Variants in NAGS observed in about 807,000 individuals in gnomAD.
The protein encoded by NAGS is N-acetylglutamate synthase, mitochondrial.
A neutral mutation model predicts 46.9 loss-of-function variants in NAGS; 34 were observed. The ratio of observed to expected loss-of-function variants is 0.72; its 90% CI spans 0.55 to 0.97. The LOEUF is 0.97. Ranked by LOEUF, NAGS falls within the 50% of genes least tolerant of loss-of-function variation. The pLI, the probability that NAGS is intolerant of heterozygous loss-of-function variation, is 0.00. For synonymous variants in NAGS, 334 were observed against 346.3 expected (o/e 0.96, Z 0.39); for missense variants, 665 against 747.0 (o/e 0.89, Z 1.28).
In NAGS at chr17:44,006,294, C is replaced by A; in HGVS notation, c.915+57C>A. ...CGGCGATCCGGGCCTTCTCTTGCGC[C>A]CCTCGCACTTCTCCCCGACGGGCCG... On this transcript the variant is annotated intron_variant, in intron 3 of 6. Transcript: ENST00000293404. This position sits in a 1 kb window ranked among gnomAD's most constrained non-coding sequence, Gnocchi z 4.8. The A allele has an allele frequency of 6.3e-7, 1 of 1,582,926 alleles. No individual in the cohort carries two copies. The highest frequency in any genetic ancestry group is 8.6e-7 in the Non-Finnish European group (1 of 1,162,162).
In NAGS at chr17:44,006,460, G is replaced by A. The variant is rs2049092646; in HGVS notation, c.916-69G>A. The A allele has an allele frequency of 1.3e-6, 2 of 1,539,354 alleles. No individual in the cohort carries two copies. The highest frequency in any genetic ancestry group is 1.8e-6 in the Non-Finnish European group (2 of 1,140,740). On this transcript the variant is annotated intron_variant, in intron 3 of 6. Transcript: ENST00000293404. This position sits in a 1 kb window ranked among gnomAD's most constrained non-coding sequence, Gnocchi z 4.8. ...GGATAAAGGGGTCAGAGAAAAGAGA[G>A]GTCCGTGGGGGTAGGGGGGCAGTCC...
In NAGS at chr17:44,007,074, G is replaced by C. The variant is rs976948775; in HGVS notation, c.1097-249G>C. 1.2e-5 allele frequency: 7 copies of C among 588,484 alleles called. No homozygotes were observed. Among genetic ancestry groups the C allele is most frequent in the African/African-American group, 1.1e-4 (6 of 53,612 alleles). The allele number at this position is 588,484 out of a possible 1,614,324, so 36.5% of individuals were successfully genotyped here. ...CGGCGGGAGACAGACTTCAAGGAGC[G>C]AGGCAAGACTAACGGAAGTGGGTGG... On this transcript the variant is annotated intron_variant, in intron 4 of 6. Coordinates refer to ENST00000293404, the MANE Select transcript of NAGS (RefSeq NM_153006.3). The surrounding 1 kb of genome is among the most constrained non-coding windows in gnomAD (Gnocchi z 5.1).
rs370722055 is a variant in NAGS, at chr17:44,007,226, C to T, written c.1097-97C>T. Reference sequence around the variant, plus strand: ...TTTCACTGTGGAGGTCTCCCAAAGACGGAAATTGTCCCACCAGCGCCTGTC... The same window carrying T: ...TTTCACTGTGGAGGTCTCCCAAAGATGGAAATTGTCCCACCAGCGCCTGTC... On this transcript the variant is annotated intron_variant, in intron 4 of 6. Transcript: ENST00000293404. The surrounding 1 kb of genome is among the most constrained non-coding windows in gnomAD (Gnocchi z 5.1). The T allele has an allele frequency of 4.3e-6, 5 of 1,171,422 alleles. No homozygotes were observed. The highest frequency in any genetic ancestry group is 4.2e-5 in the South Asian group (3 of 72,034). The allele number at this position is 1,171,422 out of a possible 1,614,324, so 72.6% of individuals were successfully genotyped here.
rs573287536 is a variant in NAGS at position 44,006,840 on chromosome 17, C to A, written c.1096+131C>A. 268 of 981,676 alleles carry A rather than the reference C, an allele frequency of 2.7e-4. 5 individuals are homozygous for A. The South Asian group carries it at 4.3e-3, about 16-fold the overall frequency. The allele number at this position is 981,676 out of a possible 1,614,324, so 60.8% of individuals were successfully genotyped here. Reference sequence around the variant, plus strand: ...TAGGGGGAGGCGGGGGGTGTCACAGCAATGGCTCCTGCTGCTGCCGAAACC... The same window carrying A: ...TAGGGGGAGGCGGGGGGTGTCACAGAAATGGCTCCTGCTGCTGCCGAAACC... On this transcript the variant is annotated intron_variant, in intron 4 of 6. Transcript: ENST00000293404. The surrounding 1 kb of genome is among the most constrained non-coding windows in gnomAD (Gnocchi z 4.8).
Position 44,007,014 on chromosome 17 carries a change from A to C in NAGS, c.1096+305A>C. On this transcript the variant is annotated intron_variant, in intron 4 of 6. Coordinates refer to ENST00000293404, the MANE Select transcript of NAGS (RefSeq NM_153006.3). This position sits in a 1 kb window ranked among gnomAD's most constrained non-coding sequence, Gnocchi z 5.1. ...CATAAGGGAGGTGTTCGACCGGGAG[A>C]GATGGGCGGGGCTTAGGTGGGTGGG... 1 of 485,606 alleles carries C rather than the reference A, an allele frequency of 2.1e-6. No individual in the cohort carries two copies. Among genetic ancestry groups the C allele is most frequent in the South Asian group, 2.4e-5 (1 of 41,644 alleles). 30.1% of individuals were successfully genotyped at this position (485,606 alleles called of 1,614,324 possible).
rs1435884655 is a variant in NAGS at position 44,007,842 on chromosome 17, A to G, written c.1451+69A>G. 2.0e-6 allele frequency: 3 copies of G among 1,489,834 alleles called. No homozygotes were observed. The highest frequency in any genetic ancestry group is 2.7e-6 in the Non-Finnish European group (3 of 1,091,254). 92.3% of individuals were successfully genotyped at this position (1,489,834 alleles called of 1,614,324 possible). ...CTCCCCTCTCCCACCCTTGCCAACCATGCCAAGAAGGCTGGGCTTCCTCTT... is the reference window on the plus strand; with the variant it reads ...CTCCCCTCTCCCACCCTTGCCAACCGTGCCAAGAAGGCTGGGCTTCCTCTT... On this transcript the variant is annotated intron_variant, in intron 6 of 6. Coordinates refer to ENST00000293404, the MANE Select transcript of NAGS (RefSeq NM_153006.3). The surrounding 1 kb of genome is among the most constrained non-coding windows in gnomAD (Gnocchi z 5.1).
At position 44,006,129 on chromosome 17, in the gene NAGS, C is replaced by A; in HGVS notation, c.807C>A (p.Ser269=). The A allele has an allele frequency of 1.2e-6, 2 of 1,613,220 alleles. No homozygotes were observed. The highest frequency in any genetic ancestry group is 2.2e-5 in the South Asian group (2 of 91,074). ...TCGGGGAGACGGCCGCGCGCCGCTCCGTGCTTCTCGACTCCCTGGAGGTGA... is the reference window on the plus strand; with the variant it reads ...TCGGGGAGACGGCCGCGCGCCGCTCAGTGCTTCTCGACTCCCTGGAGGTGA... The part of the protein sequence containing the change: ...CPIGETAARR[S]VLLDSLEVTA... The change falls in exon 3 of 7, where the codon TCC becomes TCA. Residue 269 remains serine (S), a synonymous_variant. Transcript: ENST00000293404. This position sits in a 1 kb window ranked among gnomAD's most constrained non-coding sequence, Gnocchi z 4.8.
Position 44,007,093 on chromosome 17 carries a change from T to G in NAGS, c.1097-230T>G, listed in dbSNP as rs1456253410. The G allele has an allele frequency of 3.4e-6, 2 of 594,798 alleles. No individual in the cohort carries two copies. Among genetic ancestry groups the G allele is most frequent in the African/African-American group, 3.7e-5 (2 of 53,606 alleles). The allele number at this position is 594,798 out of a possible 1,614,324, so 36.8% of individuals were successfully genotyped here. ...AGGAGCGAGGCAAGACTAACGGAAG[T>G]GGGTGGGGCTCCAGGCGACAGGAGG... is the stretch of plus-strand genomic sequence containing the variant. On this transcript the variant is annotated intron_variant, in intron 4 of 6. Transcript: ENST00000293404. This position sits in a 1 kb window ranked among gnomAD's most constrained non-coding sequence, Gnocchi z 5.1.
chr17:44,008,672 C>T lies in NAGS; in HGVS notation c.*71C>T, dbSNP rs1369587977. On this transcript the variant is annotated 3_prime_UTR_variant, in exon 7 of 7. Transcript: ENST00000293404. ...AAAAGCCATGCCAGCTGGGCATGAC[C>T]CCAGGCAGCCAGCCACAGGCTGAAG... 14 of 1,593,966 alleles carry T rather than the reference C, an allele frequency of 8.8e-6. No individual in the cohort carries two copies. Among genetic ancestry groups the T allele is most frequent in the East Asian group, 2.2e-5 (1 of 44,816 alleles).
Position 44,005,791 on chromosome 17 carries a change from C to A in NAGS, c.581C>A (p.Ala194Glu), listed in dbSNP as rs758376954. ...SGCLSFWEAK[A>E]QLAKSCKVLV... ...TGTCTTTCCTTCTGGGAGGCCAAGGCGCAGCTGGCCAAGAGCTGCAAGGTG... is the reference window on the plus strand; with the variant it reads ...TGTCTTTCCTTCTGGGAGGCCAAGGAGCAGCTGGCCAAGAGCTGCAAGGTG... Residue 194 changes from alanine to glutamate, a missense_variant, in exon 2 of 7, where the codon GCG becomes GAG. Transcript: ENST00000293404. This position sits in a 1 kb window ranked among gnomAD's most constrained non-coding sequence, Gnocchi z 7.2. 40 of 1,587,818 alleles carry A rather than the reference C, an allele frequency of 2.5e-5. No individual in the cohort carries two copies. Among genetic ancestry groups the A allele is most frequent in the Non-Finnish European group, 2.9e-5 (34 of 1,168,294 alleles).
rs77418945 is a variant in NAGS at position 44,008,304 on chromosome 17, AATGAG to A, written c.1452-141_1452-137del. The A allele has an allele frequency of 0.17, 166,955 of 957,190 alleles. 16,342 individuals are homozygous for A. Among genetic ancestry groups the A allele is most frequent in the Non-Finnish European group, 0.21 (123,651 of 590,854 alleles). 59.3% of individuals were successfully genotyped at this position (957,190 alleles called of 1,614,324 possible). On this transcript the variant is annotated intron_variant, in intron 6 of 6. Coordinates refer to ENST00000293404, the MANE Select transcript of NAGS (RefSeq NM_153006.3). Reference sequence around the variant, plus strand: ...GCTCAGGCCTCTGCTGTGAGGATAAAATGAGATAACACACAGCAGGACCAAGCTGG... The same window carrying A: ...GCTCAGGCCTCTGCTGTGAGGATAAAATAACACACAGCAGGACCAAGCTGG...
chr17:44,005,009 A>G lies in NAGS; in HGVS notation c.346A>G (p.Ser116Gly). The change falls in exon 1 of 7, where the codon AGC becomes GGC. Residue 116 changes from serine to glycine, a missense_variant. Ser to Gly is a moderately conservative substitution (Grantham distance 56, BLOSUM62 0). Coordinates refer to ENST00000293404, the MANE Select transcript of NAGS (RefSeq NM_153006.3). The surrounding 1 kb of genome is among the most constrained non-coding windows in gnomAD (Gnocchi z 7.2). ...GGCCTTCCTGAACCAGTGCGGGGCC[A>G]GCCCTGGGGAGGCGCGCCACTGGCT... ...IQAFLNQCGA[S>G]PGEARHWLTQ... is the part of the protein sequence containing the mutation. 2 of 1,557,010 alleles carry G rather than the reference A, an allele frequency of 1.3e-6. No homozygotes were observed. Among genetic ancestry groups the G allele is most frequent in the South Asian group, 2.3e-5 (2 of 85,356 alleles).
chr17:44,008,815 C>A lies in NAGS; in HGVS notation c.*214C>A. On this transcript the variant is annotated 3_prime_UTR_variant, in exon 7 of 7. Coordinates refer to ENST00000293404, the MANE Select transcript of NAGS (RefSeq NM_153006.3). Reference sequence around the variant, plus strand: ...GGACCAGTCTAGGACCCCAACTCGACTCACTCTAAAGCTACAACCAAATGG... The same window carrying A: ...GGACCAGTCTAGGACCCCAACTCGAATCACTCTAAAGCTACAACCAAATGG... 4.7e-6 allele frequency: 3 copies of A among 635,530 alleles called. No individual in the cohort carries two copies. The highest frequency in any genetic ancestry group is 2.7e-5 in the Admixed American group (1 of 36,390). 39.4% of individuals were successfully genotyped at this position (635,530 alleles called of 1,614,324 possible). A position where few individuals can be genotyped will look rare whatever the true frequency, so the allele number is the denominator to read the frequency against.
chr17:44,006,198 C>T lies in NAGS; in HGVS notation c.876C>T (p.Phe292=). The T allele has an allele frequency of 6.2e-7, 1 of 1,613,384 alleles. No individual in the cohort carries two copies. Among genetic ancestry groups the T allele is most frequent in the Non-Finnish European group, 8.5e-7 (1 of 1,180,014 alleles). Residue 292 remains phenylalanine (F), a synonymous_variant, in exon 3 of 7, where the codon TTC becomes TTT. Transcript: ENST00000293404. The surrounding 1 kb of genome is among the most constrained non-coding windows in gnomAD (Gnocchi z 4.8). ...AKALRPTKII[F]LNNTGGLRDS... ...CGCTGCGGCCCACCAAAATCATCTTCCTCAATAACACAGGCGGCCTGCGCG... is the reference window on the plus strand; with the variant it reads ...CGCTGCGGCCCACCAAAATCATCTTTCTCAATAACACAGGCGGCCTGCGCG...
rs2049087154 is a variant in NAGS, at chr17:44,006,124, C to T, written c.802C>T (p.Arg268Cys). The part of the protein sequence containing the change: ...LCPIGETAAR[R>C]SVLLDSLEVT... Reference sequence around the variant, plus strand: ...CCCCATCGGGGAGACGGCCGCGCGCCGCTCCGTGCTTCTCGACTCCCTGGA... The same window carrying T: ...CCCCATCGGGGAGACGGCCGCGCGCTGCTCCGTGCTTCTCGACTCCCTGGA... The change falls in exon 3 of 7, where the codon CGC becomes TGC. Residue 268 changes from arginine (R) to cysteine (C), a missense_variant. Transcript: ENST00000293404. The surrounding 1 kb of genome is among the most constrained non-coding windows in gnomAD (Gnocchi z 4.8). 6.2e-7 allele frequency: 1 copy of T among 1,613,050 alleles called. No homozygotes were observed. The highest frequency in any genetic ancestry group is 1.3e-5 in the African/African-American group (1 of 74,934).
chr17:44,008,423 T>G, intron 6 of NAGS, 25 bp from the exon 7 acceptor site: 2 of 1,614,144 alleles, frequency 1.2e-6, no homozygotes, highest in Non-Finnish European at 1.7e-6. Context: ...AAAAACTGTT[T>G]CCTACATCAC....
At position 44,006,791 on chromosome 17, in the gene NAGS, G is replaced by C. The variant is rs950367098; in HGVS notation, c.1096+82G>C. 1 of 1,430,288 alleles carries C rather than the reference G, an allele frequency of 7.0e-7. No homozygotes were observed. The highest frequency in any genetic ancestry group is 1.4e-5 in the African/African-American group (1 of 71,832). The allele number at this position is 1,430,288 out of a possible 1,614,324, so 88.6% of individuals were successfully genotyped here. ...TGGGTGTCTGCGGTCAGGAGGAGCG[G>C]CTTCTCCTCCTGTCCAGGAGCCGTA... On this transcript the variant is annotated intron_variant, in intron 4 of 6. Coordinates refer to ENST00000293404, the MANE Select transcript of NAGS (RefSeq NM_153006.3). The surrounding 1 kb of genome is among the most constrained non-coding windows in gnomAD (Gnocchi z 4.8).
At position 44,007,530 on chromosome 17, in the gene NAGS, G is replaced by A; in HGVS notation, c.1268+36G>A. The stretch of plus-strand genomic sequence containing the variant: ...GGACCCCAGAGGGCGGGGTCTGGGG[G>A]GCAGTCGGGCAGCTTCGGACCAAGG... On this transcript the variant is annotated intron_variant, in intron 5 of 6. Transcript: ENST00000293404. The surrounding 1 kb of genome is among the most constrained non-coding windows in gnomAD (Gnocchi z 5.1). The A allele has an allele frequency of 6.2e-7, 1 of 1,613,308 alleles. No individual in the cohort carries two copies.
At position 44,005,789 on chromosome 17, in the gene NAGS, G is replaced by A; in HGVS notation, c.579G>A (p.Lys193=). ...PSGCLSFWEA[K]AQLAKSCKVL... ...GCTGTCTTTCCTTCTGGGAGGCCAA[G>A]GCGCAGCTGGCCAAGAGCTGCAAGG... Residue 193 remains lysine (K), a synonymous_variant, in exon 2 of 7, where the codon AAG becomes AAA. Transcript: ENST00000293404. This position sits in a 1 kb window ranked among gnomAD's most constrained non-coding sequence, Gnocchi z 7.2. The A allele has an allele frequency of 6.3e-7, 1 of 1,588,264 alleles. No individual in the cohort carries two copies.
Sources: allele counts gnomAD v4.1 joint callset, GRCh38; gene constraint gnomAD v4.1.1; non-coding constraint Gnocchi (gnomAD v3.1); transcripts MANE v1.5; gene names NCBI Gene and HGNC (gene_info 2026-07-23, HGNC 2026-07-21).